The following DNAAF1 variants were observed in gnomAD, a reference collection of about 807,000 sequenced individuals.
DNAAF1 encodes the protein dynein assembly factor 1, axonemal.
In DNAAF1, 65 loss-of-function variants were observed where a neutral mutation model predicts 71.1. The observed-to-expected ratio is 0.91, with a 90% CI of 0.75 to 1.12. DNAAF1 has a LOEUF of 1.12. Among genes scored for constraint, DNAAF1 ranks in the 50% most tolerant of loss-of-function variants. DNAAF1 has a pLI of 0.00. For synonymous variants in DNAAF1, 414 were observed against 354.6 expected (o/e 1.17, Z -1.88); for missense variants, 1,178 against 899.8 (o/e 1.31, Z -3.96).
chr16:84,149,690 CAAA>C (rs11335691), intron 2 of DNAAF1, among the ~76,000 whole-genome samples: 7 of 94,306 alleles, frequency 7.4e-5, no homozygotes, highest in Non-Finnish European at 6.2e-5. Flanking sequence ...GACTCCATCT[CAAA>C]AAAAAAAAAA....
intron 10 of DNAAF1, chr16:84,175,573 G>A (rs2088609115): frequency 3.2e-6 from 1 of 308,004 alleles, no homozygotes; most frequent in African/African-American, 2.2e-5. Context: ...CAGTTACTGT[G>A]GGGGGCCTGC....
At position 84,177,774 on chromosome 16, in the gene DNAAF1, T is replaced by A; in HGVS notation, c.2111T>A (p.Val704Asp). Residue 704 changes from valine (V) to aspartate (D), a missense_variant, in exon 12 of 12, where the codon GTT (valine) becomes GAT (aspartate). Coordinates refer to ENST00000378553, the MANE Select transcript of DNAAF1 (RefSeq NM_178452.6). ...ACACCCCCAGAGACGTGTGTCGGAG[T>A]TGCCCAGCCCAGCCAAGCTCTGCCC... ...AATPPETCVG[V>D]AQPSQALPTW... 6.2e-7 allele frequency: 1 copy of A among 1,613,920 alleles called. No individual in the cohort carries two copies. The highest frequency in any genetic ancestry group is 8.5e-7 in the Non-Finnish European group (1 of 1,179,972).
chr16:84,146,578 G>A (rs752713415), intron 1 of DNAAF1, among the ~76,000 whole-genome samples: 6 of 152,086 alleles, frequency 3.9e-5, no homozygotes, highest in Non-Finnish European at 8.8e-5. Flanking sequence ...TTAGCAGGGC[G>A]TGGTGACGTG....
chr16:84,174,707 A>G lies in DNAAF1; in HGVS notation c.1683A>G (p.Lys561=), dbSNP rs746144095. 6.2e-7 allele frequency: 1 copy of G among 1,614,192 alleles called. No individual in the cohort carries two copies. Among genetic ancestry groups the G allele is most frequent in the South Asian group, 1.1e-5 (1 of 91,082 alleles). Residue 561 remains lysine, a synonymous_variant, in exon 10 of 12, where the codon AAA becomes AAG. Coordinates refer to ENST00000378553, the MANE Select transcript of DNAAF1 (RefSeq NM_178452.6). ...PDLEDDDETG[K]SLEDQNMCFP... ...TGGAAGATGATGATGAAACAGGCAA[A>G]TCTCTGGAAGACCAGGTTAAGGTCA...
At position 84,174,711 on chromosome 16, in the gene DNAAF1, C is replaced by G; in HGVS notation, c.1687C>G (p.Leu563Val). ...LEDDDETGKS[L>V]EDQNMCFPKI... ...AGATGATGATGAAACAGGCAAATCT[C>G]TGGAAGACCAGGTTAAGGTCATTAG... The change falls in exon 10 of 12, where the codon CTG becomes GTG. Residue 563 changes from leucine to valine, a missense_variant. By Grantham distance (32) the Leu-to-Val change is conservative (BLOSUM62 1). Coordinates refer to ENST00000378553, the MANE Select transcript of DNAAF1 (RefSeq NM_178452.6). 6.2e-7 allele frequency: 1 copy of G among 1,614,224 alleles called. No individual in the cohort carries two copies. Among genetic ancestry groups the G allele is most frequent in the Non-Finnish European group, 8.5e-7 (1 of 1,180,044 alleles).
intron 11 of DNAAF1, 182 bp downstream of exon 11, chr16:84,176,481 C>T (rs1340695996): frequency 5.1e-6 from 5 of 976,872 alleles, no homozygotes; most frequent in African/African-American, 4.8e-5. Flanking sequence ...GAAGCTGCCA[C>T]TTGCTGGTAG....
chr16:84,163,754 AGATAATGAT>A (rs1439046605), intron 6 of DNAAF1, among the ~76,000 whole-genome samples: 1 of 152,092 alleles, frequency 6.6e-6, no homozygotes, highest in Non-Finnish European at 1.5e-5. Context: ...TTTCCCTGGT[AGATAATGAT>A]GTTGAGCACG....
intron 3 of DNAAF1, among the ~76,000 whole-genome samples, chr16:84,152,309 A>G (rs2087222267): frequency 6.6e-6 from 1 of 152,216 alleles, no homozygotes; most frequent in Non-Finnish European, 1.5e-5. Flanking sequence ...TCTTCAACAA[A>G]AAATTACAAT....
At chr16:84,161,031 A>G (rs2087685329) in intron 6 of DNAAF1, among the ~76,000 whole-genome samples, 7 of 151,982 alleles carry the variant, frequency 4.6e-5, no homozygotes, top group Admixed American at 4.6e-4. Flanking sequence ...GGGGGTGGTA[A>G]GGACGGGGAG....
intron 5 of DNAAF1, 91 bp downstream of exon 5, chr16:84,155,840 T>A: frequency 6.7e-7 from 1 of 1,484,920 alleles, no homozygotes; most frequent in Non-Finnish European, 9.2e-7. Context: ...GTCTTTTCTC[T>A]CCTTCCTGCC....
chr16:84,170,632 C>G (rs1171009521), intron 8 of DNAAF1, among the ~76,000 whole-genome samples: 1 of 145,028 alleles, frequency 6.9e-6, no homozygotes, highest in African/African-American at 2.5e-5. Context: ...CCAGGAGTTT[C>G]AGACCAGCCT....
At chr16:84,177,669 C>A (rs896984790) in intron 11 of DNAAF1, 60 bp from the exon 12 acceptor site, 2 of 1,458,992 alleles carry the variant, frequency 1.4e-6, no homozygotes, top group African/African-American at 1.4e-5. Flanking sequence ...CCAAGGCTGC[C>A]CCCCTGTCCT....
intron 3 of DNAAF1, among the ~76,000 whole-genome samples, chr16:84,151,270 G>A (rs549820862): frequency 1.4e-4 from 21 of 152,170 alleles, no homozygotes; most frequent in Non-Finnish European, 2.4e-4. Flanking sequence ...GAGGGAACCG[G>A]CAAAGGTGCC....
intron 3 of DNAAF1, among the ~76,000 whole-genome samples, chr16:84,150,819 G>A (rs1441110928): frequency 1.3e-5 from 2 of 152,032 alleles, no homozygotes; most frequent in Admixed American, 1.3e-4. Context: ...TCGCCATGTT[G>A]GCCATTCTGG....
Position 84,172,323 on chromosome 16 carries a change from CG to C in DNAAF1, c.1594del (p.Glu532LysfsTer3). 1.2e-6 allele frequency: 2 copies of C among 1,614,182 alleles called. No homozygotes were observed. The highest frequency in any genetic ancestry group is 1.1e-5 in the South Asian group (1 of 91,074). On this transcript the variant is annotated frameshift_variant, in exon 9 of 12. Transcript: ENST00000378553. LOFTEE classifies it high-confidence loss of function. ...GTTACAGAACTTGATGGAACGAGAA[CG>C]GAAGATTTAGAAACCATTAGACTGG... ...VFVTELDGTR[T>X]EDLETIRLET... is the part of the protein sequence containing the mutation.
chr16:84,169,609 T>C (rs993322545), intron 7 of DNAAF1, among the ~76,000 whole-genome samples: 3 of 151,878 alleles, frequency 2.0e-5, no homozygotes, highest in African/African-American at 7.3e-5. Flanking sequence ...TTAGTGGAGA[T>C]GGGGTTTCGT....
rs1221166311 is a variant in DNAAF1, at chr16:84,172,342, T to G, written c.1611T>G (p.Ile537Met). ...CGAGAACGGAAGATTTAGAAACCATTAGACTGGAGACAAAGGAGACATTCT... is the reference window on the plus strand; with the variant it reads ...CGAGAACGGAAGATTTAGAAACCATGAGACTGGAGACAAAGGAGACATTCT... ...DGTRTEDLET[I>M]RLETKETFCI... Residue 537 changes from isoleucine (I) to methionine (M), a missense_variant, in exon 9 of 12, where the codon ATT becomes ATG. Physicochemically the swap from Ile to Met is conservative, Grantham distance 10. Coordinates refer to ENST00000378553, the MANE Select transcript of DNAAF1 (RefSeq NM_178452.6). The G allele has an allele frequency of 6.2e-7, 1 of 1,614,192 alleles. No homozygotes were observed. Among genetic ancestry groups the G allele is most frequent in the Admixed American group, 1.7e-5 (1 of 60,036 alleles).
Position 84,172,806 on chromosome 16 carries a change from G to A in DNAAF1, c.1644+431G>A, listed in dbSNP as rs527403492. 20 of 1,056,592 alleles carry A rather than the reference G, an allele frequency of 1.9e-5. No homozygotes were observed. The South Asian group carries it at 2.9e-4, about 15-fold the overall frequency. The allele number at this position is 1,056,592 out of a possible 1,614,324, so 65.5% of individuals were successfully genotyped here. ...ATCTTTTCCCCCCTCCGTGGACACC[G>A]CCCAGCAGGTAGCTTAGGCTCTCAC... On this transcript the variant is annotated intron_variant, in intron 9 of 11. Coordinates refer to ENST00000378553, the MANE Select transcript of DNAAF1 (RefSeq NM_178452.6).
rs992390562 is a variant in DNAAF1 at position 84,159,944 on chromosome 16, A to G, written c.863+148A>G. 16 of 881,108 alleles carry G rather than the reference A, an allele frequency of 1.8e-5. No homozygotes were observed. In the East Asian group the frequency reaches 3.1e-4, roughly 17 times the overall value. The allele number at this position is 881,108 out of a possible 1,614,324, so 54.6% of individuals were successfully genotyped here. ...AGGCTTGATGGCTACATAATTGACT[A>G]TAATGGGAATTTGAGCACTTATTCA... On this transcript the variant is annotated intron_variant, in intron 6 of 11. Coordinates refer to ENST00000378553, the MANE Select transcript of DNAAF1 (RefSeq NM_178452.6).
Sources: allele counts gnomAD v4.1 joint callset (sites outside exome capture counted in the v4.1 genomes callset), GRCh38; gene constraint gnomAD v4.1.1; transcripts MANE v1.5; gene names NCBI Gene and HGNC (gene_info 2026-07-23, HGNC 2026-07-21).